REELD1: variants seen among roughly 807,000 people sequenced by gnomAD.
REELD1 encodes the protein reeler domain containing 1.
In REELD1, 12 loss-of-function variants were observed where a neutral mutation model predicts 6.3. The ratio of observed to expected loss-of-function variants is 1.89; its 90% CI spans 1.21 to 3.07. The LOEUF (loss-of-function observed/expected upper bound fraction) is 3.07, where lower values mean the gene tolerates loss of function less well. Among genes scored for constraint, REELD1 ranks in the 30% most tolerant of loss-of-function variants. REELD1 has a pLI of 0.00. For synonymous variants in REELD1, 57 were observed against 33.6 expected (o/e 1.70, Z -2.42); for missense variants, 163 against 86.8 (o/e 1.88, Z -3.49).
In REELD1 at chr4:146,230,402, C is replaced by T. The variant is rs2278472; in HGVS notation, c.1470C>T (p.Asn490=). The T allele has an allele frequency of 6.7e-3, 2,657 of 398,726 alleles. 70 individuals carry two copies. Among genetic ancestry groups the T allele is most frequent in the East Asian group, 0.055 (1,539 of 28,068 alleles). The allele number at this position is 398,726 out of a possible 1,614,324, so 24.7% of individuals were successfully genotyped here. A position where few individuals can be genotyped will look rare whatever the true frequency, so the allele number is the denominator to read the frequency against. Residue 490 remains asparagine, a synonymous_variant, in exon 8 of 8, where the codon AAC becomes AAT. Coordinates refer to ENST00000623665, the MANE Select transcript of REELD1 (RefSeq NM_001354631.1). ...CTTCGGATGCTGTTGCCAGGAGCAA[C>T]AGTGGTGAGACTGTGCACGTCAGGA... ...EPASDAVARS[N]SGETVHVRKI...
rs575665457 is a variant in REELD1 at position 146,230,185 on chromosome 4, G to A, written c.1253G>A (p.Arg418Gln). The A allele has an allele frequency of 3.0e-5, 12 of 398,772 alleles. No homozygotes were observed. The South Asian group carries it at 8.9e-4, about 30-fold the overall frequency. The allele number at this position is 398,772 out of a possible 1,614,324, so 24.7% of individuals were successfully genotyped here. ...GGAGAGGGTGGAGTGGGATACCCTC[G>A]GCAGACCAACCCACGGCCTGACATT... ...GNGEGGVGYP[R>Q]QTNPRPDIGL... Residue 418 changes from arginine (R) to glutamine (Q), a missense_variant, in exon 8 of 8, where the codon CGG becomes CAG. By Grantham distance (43) the Arg-to-Gln change is conservative (BLOSUM62 1). Coordinates refer to ENST00000623665, the MANE Select transcript of REELD1 (RefSeq NM_001354631.1).
chr4:146,217,503 A>C (rs6854775), intron 3 of REELD1, among the ~76,000 whole-genome samples: 50,493 of 151,986 alleles, frequency 0.33, 8,792 homozygotes, highest in Middle Eastern at 0.47. Context: ...TTCAGCCTCC[A>C]AAAGTGCTGG....
intron 3 of REELD1, among the ~76,000 whole-genome samples, chr4:146,217,771 A>C (rs141741183): frequency 5.9e-5 from 9 of 152,198 alleles, no homozygotes; most frequent in Non-Finnish European, 1.3e-4. Flanking sequence ...TGTGTGTGAA[A>C]TACACTTTTT....
chr4:146,215,596 A>G (rs1427843772), intron 2 of REELD1, among the ~76,000 whole-genome samples: 1 of 149,026 alleles, frequency 6.7e-6, no homozygotes, highest in African/African-American at 2.5e-5. Flanking sequence ...TAGTTTTACT[A>G]CATTTTCAGG....
chr4:146,226,529 A>G (rs1223413470), intron 5 of REELD1, among the ~76,000 whole-genome samples: 1 of 152,218 alleles, frequency 6.6e-6, no homozygotes. Flanking sequence ...CTGTGCCTCA[A>G]CAATGGTGCG....
Position 146,230,079 on chromosome 4 carries a change from G to T in REELD1, c.1147G>T (p.Asp383Tyr). The change falls in exon 8 of 8, where the codon GAC (aspartate) becomes TAC (tyrosine). Residue 383 changes from aspartate to tyrosine, a missense_variant. Physicochemically the swap from Asp to Tyr is radical, Grantham distance 160 (BLOSUM62 -3). Coordinates refer to ENST00000623665, the MANE Select transcript of REELD1 (RefSeq NM_001354631.1). ...SGTSGLPAAG[D>Y]QSEASRASAS... Reference sequence around the variant, plus strand: ...CACTTCTGGGCTACCTGCTGCTGGTGACCAGTCAGAGGCATCCAGGGCCTC... The same window carrying T: ...CACTTCTGGGCTACCTGCTGCTGGTTACCAGTCAGAGGCATCCAGGGCCTC... 1 of 398,770 alleles carries T rather than the reference G, an allele frequency of 2.5e-6. No homozygotes were observed. The highest frequency in any genetic ancestry group is 1.3e-4 in the South Asian group (1 of 7,816). The allele number at this position is 398,770 out of a possible 1,614,324, so 24.7% of individuals were successfully genotyped here.
chr4:146,221,479 C>A (rs1485359850), intron 3 of REELD1, among the ~76,000 whole-genome samples: 1 of 152,160 alleles, frequency 6.6e-6, no homozygotes, highest in Non-Finnish European at 1.5e-5. Flanking sequence ...TTTCCATAGT[C>A]TTATCAAGAC....
At chr4:146,229,134 C>T (rs934760771) in intron 7 of REELD1, 46 bp downstream of exon 7, 3 of 699,008 alleles carry the variant, frequency 4.3e-6, no homozygotes, top group African/African-American at 1.8e-5. Context: ...GTATTTTGAT[C>T]CTAGAATGGT....
Position 146,217,771 on chromosome 4 carries a change from A to G in REELD1, c.208+611A>G, listed in dbSNP as rs141741183. Among the ~76,000 whole-genome samples the G allele has an allele frequency of 2.6e-3, 391 of 152,316 alleles. 2 individuals are homozygous for G. Among genetic ancestry groups the G allele is most frequent in the African/African-American group, 8.2e-3 (339 of 41,576 alleles). ...TTCATGTATCATCTATGTGTGTGAAATACACTTTTTTCTCATTATTTAAAA... is the reference window on the plus strand; with the variant it reads ...TTCATGTATCATCTATGTGTGTGAAGTACACTTTTTTCTCATTATTTAAAA... On this transcript the variant is annotated intron_variant, in intron 3 of 7. Transcript: ENST00000623665.
At chr4:146,215,651 ATTT>A (rs3029290) in intron 2 of REELD1, among the ~76,000 whole-genome samples, 5 of 86,664 alleles carry the variant, frequency 5.8e-5, no homozygotes, top group Admixed American at 1.4e-4. Context: ...AGGGGAGGGC[ATTT>A]TTTTTTTTTT....
intron 7 of REELD1, 129 bp from the exon 8 acceptor site, chr4:146,229,776 G>T (rs888468291): frequency 2.5e-6 from 1 of 396,786 alleles, no homozygotes; most frequent in Non-Finnish European, 4.4e-6. Flanking sequence ...TCCTTTAGTA[G>T]CAAGAAAGAG....
chr4:146,223,505 C>T (rs1226412254), intron 4 of REELD1, among the ~76,000 whole-genome samples: 3 of 152,228 alleles, frequency 2.0e-5, no homozygotes, highest in South Asian at 2.1e-4. Flanking sequence ...TCTTACGCAG[C>T]GCAGAGGGTG....
chr4:146,223,066 G>T (rs891504144), intron 4 of REELD1, among the ~76,000 whole-genome samples: 2 of 152,146 alleles, frequency 1.3e-5, no homozygotes, highest in Non-Finnish European at 2.9e-5. Flanking sequence ...GCCTACGTTC[G>T]CTCAGAAGAG....
intron 5 of REELD1, among the ~76,000 whole-genome samples, chr4:146,227,410 C>A (rs1472524537): frequency 1.3e-5 from 2 of 152,210 alleles, no homozygotes; most frequent in Admixed American, 6.5e-5. Context: ...TTGGTCAATG[C>A]CATCATGTCA....
At chr4:146,224,337 G>A (rs141649634) in intron 4 of REELD1, 108 bp from the exon 5 acceptor site, 102 of 454,182 alleles carry the variant, frequency 2.2e-4, no homozygotes, top group South Asian at 1.2e-3. Flanking sequence ...ATTTAGTTTT[G>A]TTCCTCTTTA....
intron 4 of REELD1, 21 bp from the exon 5 acceptor site, chr4:146,224,424 C>G (rs1013530400): frequency 1.7e-6 from 1 of 599,898 alleles, no homozygotes; most frequent in Non-Finnish European, 3.0e-6. Flanking sequence ...GTGAACTGCT[C>G]TGCTCTTTCT....
At chr4:146,215,651 A>ATT (rs3029290) in intron 2 of REELD1, among the ~76,000 whole-genome samples, 6,782 of 86,604 alleles carry the variant, frequency 0.078, 407 homozygotes, top group Middle Eastern at 0.17. Flanking sequence ...AGGGGAGGGC[A>ATT]TTTTTTTTTT....
At chr4:146,214,920 G>A (rs1730797987) in intron 1 of REELD1, among the ~76,000 whole-genome samples, 156 bp from the exon 2 acceptor site, 1 of 142,102 alleles carries the variant, frequency 7.0e-6, no homozygotes, top group African/African-American at 2.4e-5. Context: ...TAAGGCAGGA[G>A]GGTGGGAGGT....
chr4:146,228,759 G>C (rs1266235865), intron 6 of REELD1, among the ~76,000 whole-genome samples: 1 of 152,072 alleles, frequency 6.6e-6, no homozygotes, highest in Non-Finnish European at 1.5e-5. Context: ...AACTTTAAAA[G>C]TGACTTTTTA....
Sources: allele counts gnomAD v4.1 joint callset (sites outside exome capture counted in the v4.1 genomes callset), GRCh38; gene constraint gnomAD v4.1.1; transcripts MANE v1.5; gene names NCBI Gene and HGNC (gene_info 2026-07-23, HGNC 2026-07-21).